The following ST6GALNAC5 variants were observed in gnomAD, a reference collection of about 807,000 sequenced individuals.
The protein encoded by ST6GALNAC5 is alpha-N-acetylgalactosaminide alpha-2,6-sialyltransferase 5.
A neutral mutation model predicts 33.6 loss-of-function variants in ST6GALNAC5; 27 were observed. The observed-to-expected ratio is 0.80, with a 90% CI of 0.59 to 1.11. The LOEUF (loss-of-function observed/expected upper bound fraction) is 1.11, where lower values mean the gene tolerates loss of function less well. Ranked by LOEUF, ST6GALNAC5 falls within the 50% of genes least tolerant of loss-of-function variation. The pLI is 0.00. For synonymous variants in ST6GALNAC5, 194 were observed against 171.2 expected (o/e 1.13, Z -1.04); for missense variants, 428 against 454.0 (o/e 0.94, Z 0.52).
intron 2 of ST6GALNAC5, among the ~76,000 whole-genome samples, chr1:77,011,008 G>A (rs1392062699): frequency 6.6e-6 from 1 of 152,200 alleles, no homozygotes; most frequent in Admixed American, 6.5e-5. Flanking sequence ...GACTAAAACC[G>A]TTGATCCTTT....
At chr1:76,919,422 C>A (rs1349981636) in intron 2 of ST6GALNAC5, among the ~76,000 whole-genome samples, 2 of 152,140 alleles carry the variant, frequency 1.3e-5, no homozygotes, top group Non-Finnish European at 2.9e-5. Context: ...AAAACCCCCA[C>A]CTTCTTCCCT....
At position 76,867,831 on chromosome 1, in the gene ST6GALNAC5, TCCGCGTTCCCTC is replaced by T; in HGVS notation, c.15+145_15+156del. 2.5e-6 allele frequency: 3 copies of T among 1,224,060 alleles called. No individual in the cohort carries two copies. The Admixed American group carries it at 6.5e-5, about 26-fold the overall frequency. The allele number at this position is 1,224,060 out of a possible 1,614,324, so 75.8% of individuals were successfully genotyped here. ...TACAAAGGGACAACTTTCTACCCGCTCCGCGTTCCCTCCCGATTCTCCAGCTCTGCCTGGCTC... is the reference window on the plus strand; with the variant it reads ...TACAAAGGGACAACTTTCTACCCGCTCCGATTCTCCAGCTCTGCCTGGCTC... On this transcript the variant is annotated intron_variant, in intron 1 of 4. Coordinates refer to ENST00000477717, the MANE Select transcript of ST6GALNAC5 (RefSeq NM_030965.3).
In ST6GALNAC5 at chr1:76,904,158, A is replaced by G. The variant is rs890178086; in HGVS notation, c.261+35416A>G. ...TTCCACCTGAATACTTGGGCTGTAA[A>G]TAGGTCATTTTCATGGGAAAAGGAT... is the stretch of plus-strand genomic sequence containing the variant. On this transcript the variant is annotated intron_variant, in intron 2 of 4. Coordinates refer to ENST00000477717, the MANE Select transcript of ST6GALNAC5 (RefSeq NM_030965.3). Among the ~76,000 whole-genome samples, 17 of 152,350 alleles carry G rather than the reference A, an allele frequency of 1.1e-4. No homozygotes were observed. In the East Asian group the frequency reaches 1.9e-3, roughly 17 times the overall value.
chr1:76,981,502 G>A (rs1649250127), intron 2 of ST6GALNAC5, among the ~76,000 whole-genome samples: 1 of 152,240 alleles, frequency 6.6e-6, no homozygotes, highest in Admixed American at 6.5e-5. Flanking sequence ...AAACTGGGTG[G>A]GGCCCACCAC....
intron 2 of ST6GALNAC5, among the ~76,000 whole-genome samples, chr1:76,934,064 C>T (rs1406990196): frequency 2.0e-5 from 3 of 151,976 alleles, no homozygotes; most frequent in Non-Finnish European, 2.9e-5. Context: ...GTGTTTTTAA[C>T]TACATTTAGA....
intron 2 of ST6GALNAC5, among the ~76,000 whole-genome samples, chr1:76,894,660 A>G (rs1189520224): frequency 2.0e-5 from 3 of 152,230 alleles, no homozygotes; most frequent in South Asian, 2.1e-4. Context: ...GAAGATGGTG[A>G]TGTTCCAACA....
chr1:76,881,662 T>C (rs946254327), intron 2 of ST6GALNAC5, among the ~76,000 whole-genome samples: 2 of 152,202 alleles, frequency 1.3e-5, no homozygotes, highest in Non-Finnish European at 1.5e-5. Flanking sequence ...TGAATGAGAA[T>C]ATCTACATAA....
At chr1:76,971,456 G>T (rs916936916) in intron 2 of ST6GALNAC5, among the ~76,000 whole-genome samples, 1 of 152,072 alleles carries the variant, frequency 6.6e-6, no homozygotes, top group East Asian at 1.9e-4. Context: ...TTTTGGCATG[G>T]ATGAATGTTG....
At chr1:77,021,659 C>T (rs577242734) in intron 2 of ST6GALNAC5, among the ~76,000 whole-genome samples, 46 of 152,280 alleles carry the variant, frequency 3.0e-4, no homozygotes. Flanking sequence ...CTACTTCTGT[C>T]TTTCTTTGTG....
At chr1:77,005,462 CGCTGGGAGCTGTAGACCGGA>C in intron 2 of ST6GALNAC5, among the ~76,000 whole-genome samples, 1 of 152,318 alleles carries the variant, frequency 6.6e-6, no homozygotes, top group Non-Finnish European at 1.5e-5. Context: ...GCGTCGCTCA[CGCTGGGAGCTGTAGACCGGA>C]GCTGTTCCTA....
intron 2 of ST6GALNAC5, among the ~76,000 whole-genome samples, chr1:76,935,944 T>A (rs1432626797): frequency 6.6e-6 from 1 of 151,982 alleles, no homozygotes; most frequent in Non-Finnish European, 1.5e-5. Flanking sequence ...TAATATAACA[T>A]CTCAGGAATA....
chr1:76,971,882 A>G (rs186884925), intron 2 of ST6GALNAC5, among the ~76,000 whole-genome samples: 9 of 152,232 alleles, frequency 5.9e-5, no homozygotes, highest in African/African-American at 2.2e-4. Context: ...AATATCAGAA[A>G]GTGTAAAACA....
chr1:76,876,377 A>G (rs1369615706), intron 2 of ST6GALNAC5, among the ~76,000 whole-genome samples: 2 of 152,168 alleles, frequency 1.3e-5, no homozygotes, highest in African/African-American at 2.4e-5. Flanking sequence ...TCATGGGCCC[A>G]TTGAGCAATG....
intron 2 of ST6GALNAC5, among the ~76,000 whole-genome samples, chr1:77,003,319 C>A (rs201631094): frequency 0.18 from 24,129 of 130,988 alleles, 2,251 homozygotes; most frequent in Middle Eastern, 0.27. Flanking sequence ...GCAACCCCTG[C>A]CTTTTTTTGT....
At chr1:76,934,623 A>T (rs191301537) in intron 2 of ST6GALNAC5, among the ~76,000 whole-genome samples, 1 of 152,140 alleles carries the variant, frequency 6.6e-6, no homozygotes. Flanking sequence ...ACAGCTGCGA[A>T]GTTCCTGCTT....
At chr1:76,924,533 A>G (rs1305482835) in intron 2 of ST6GALNAC5, among the ~76,000 whole-genome samples, 2 of 152,186 alleles carry the variant, frequency 1.3e-5, no homozygotes, top group Non-Finnish European at 2.9e-5. Context: ...TAAAATATTC[A>G]TAACCAGAAT....
chr1:76,902,238 C>A (rs1466126265), intron 2 of ST6GALNAC5, among the ~76,000 whole-genome samples: 1 of 151,904 alleles, frequency 6.6e-6, no homozygotes, highest in Non-Finnish European at 1.5e-5. Flanking sequence ...AATAAATGAT[C>A]TGAAAATGAA....
intron 2 of ST6GALNAC5, among the ~76,000 whole-genome samples, chr1:77,021,086 C>A (rs1651037001): frequency 6.6e-6 from 1 of 152,170 alleles, no homozygotes; most frequent in South Asian, 2.1e-4. Context: ...CTAAGGTGAG[C>A]CCATATTTAG....
At chr1:76,962,891 C>A (rs1280907362) in intron 2 of ST6GALNAC5, among the ~76,000 whole-genome samples, 2 of 152,054 alleles carry the variant, frequency 1.3e-5, no homozygotes, top group African/African-American at 4.8e-5. Context: ...ATTTATAATT[C>A]TTTACTGTTT....
Sources: allele counts gnomAD v4.1 joint callset (sites outside exome capture counted in the v4.1 genomes callset), GRCh38; gene constraint gnomAD v4.1.1; transcripts MANE v1.5; gene names NCBI Gene and HGNC (gene_info 2026-07-23, HGNC 2026-07-21).